RAET1L: variants seen among roughly 807,000 people sequenced by gnomAD.
RAET1L encodes the protein UL16-binding protein 6.
In RAET1L, 16 loss-of-function variants were observed where a neutral mutation model predicts 23.9. That is an observed-to-expected ratio of 0.67 (90% CI 0.45 to 1.02). The LOEUF is 1.02. RAET1L is among the 50% of genes least tolerant of loss of function. The probability of loss-of-function intolerance (pLI) is 0.00; values close to 1 mark genes in which losing one functional copy is unlikely to be tolerated. For synonymous variants in RAET1L, 70 were observed against 111.2 expected (o/e 0.63, Z 2.33); for missense variants, 233 against 304.0 (o/e 0.77, Z 1.74).
At chr6:150,021,542 G>A (rs754308221) in intron 2 of RAET1L, among the ~76,000 whole-genome samples, 4 of 145,732 alleles carry the variant, frequency 2.7e-5, no homozygotes, top group Non-Finnish European at 4.5e-5. Context: ...CTTGTGATCC[G>A]CCTACCTCAG....
chr6:150,021,414 C>A, intron 2 of RAET1L, among the ~76,000 whole-genome samples: 1 of 135,578 alleles, frequency 7.4e-6, no homozygotes, highest in Non-Finnish European at 1.6e-5. Context: ...TCTCGGCTCA[C>A]TCAGCCTCCT....
chr6:150,021,985 G>T lies in RAET1L; in HGVS notation c.344C>A (p.Pro115His), dbSNP rs759574234. 1.5e-5 allele frequency: 24 copies of T among 1,599,094 alleles called. 2 individuals are homozygous for T. Among genetic ancestry groups the T allele is most frequent in the Non-Finnish European group, 5.1e-6 (6 of 1,171,484 alleles). Residue 115 changes from proline (P) to histidine (H), a missense_variant, in exon 2 of 5, where the codon CCC becomes CAC. Around this residue, in one of 4 missense-constraint regions of RAET1L, gnomAD observed 139 missense variants for 125.3 expected, o/e 1.11. Coordinates refer to ENST00000367341, the MANE Select transcript of RAET1L (RefSeq NM_130900.3). ...CTGGGCCATCTGAAACTTACCCTTG[G>T]GTGTGTAATTCTCCAGCTGAATGTC... ...LLDIQLENYT[P>H]KEPLTLQARM...
chr6:150,019,102 G>C (rs1397625445), intron 4 of RAET1L, among the ~76,000 whole-genome samples: 1 of 152,172 alleles, frequency 6.6e-6, no homozygotes. Context: ...GTCTGAAGCT[G>C]GTAGTGATGG....
intron 2 of RAET1L, 147 bp downstream of exon 2, chr6:150,021,833 C>T (rs780116489): frequency 5.6e-6 from 7 of 1,241,808 alleles, no homozygotes; most frequent in South Asian, 4.3e-5. Context: ...ACCTTGTGAT[C>T]GGCCCACCTC....
rs1001053898 is a variant in RAET1L, at chr6:150,018,373, C to G, written c.*505G>C. 5 of 152,182 alleles carry G rather than the reference C, an allele frequency of 3.3e-5. No individual in the cohort carries two copies. Among genetic ancestry groups the G allele is most frequent in the South Asian group, 2.1e-4 (1 of 4,818 alleles). The allele number at this position is 152,182 out of a possible 1,614,324, so 9.4% of individuals were successfully genotyped here. The stretch of plus-strand genomic sequence containing the variant: ...AACTCTTTATTTAAATATCAGTACA[C>G]AGCAATAAATTACTAAAGGAAACAA... On this transcript the variant is annotated 3_prime_UTR_variant, in exon 5 of 5. Coordinates refer to ENST00000367341, the MANE Select transcript of RAET1L (RefSeq NM_130900.3).
At position 150,021,113 on chromosome 6, in the gene RAET1L, G is replaced by A; in HGVS notation, c.423C>T (p.Phe141=). The change falls in exon 3 of 5, where the codon TTC becomes TTT. Residue 141 remains phenylalanine, a synonymous_variant. Coordinates refer to ENST00000367341, the MANE Select transcript of RAET1L (RefSeq NM_130900.3). ...GTAGGAAGGTCTGTCCATCGATACT[G>A]AACTGCCAAGATCCACTGCTGTGTC... ...AEGHSSGSWQ[F]SIDGQTFLLF... The A allele has an allele frequency of 1.2e-6, 2 of 1,614,092 alleles. No homozygotes were observed. The highest frequency in any genetic ancestry group is 1.7e-6 in the Non-Finnish European group (2 of 1,180,026).
Position 150,020,985 on chromosome 6 carries a change from T to G in RAET1L, c.551A>C (p.Tyr184Ser). Residue 184 changes from tyrosine (Y) to serine (S), a missense_variant, in exon 3 of 5, where the codon TAC (tyrosine) becomes TCC (serine). Tyr to Ser is a moderately radical substitution (Grantham distance 144, BLOSUM62 -2). This residue lies in a region of RAET1L where 139 missense variants were observed against 125.3 expected (regional missense o/e 1.11). Transcript: ENST00000367341. ...TCCTATGCAGTCTCCCATTGAGATG[T>G]AATGGAAGGACATGGCCACATCCTT... is the stretch of plus-strand genomic sequence containing the variant. Reference protein sequence around the residue: ...NDKDVAMSFHYISMGDCIGWL... With the variant: ...NDKDVAMSFHSISMGDCIGWL... 6.2e-7 allele frequency: 1 copy of G among 1,614,250 alleles called. No individual in the cohort carries two copies. Among genetic ancestry groups the G allele is most frequent in the Non-Finnish European group, 8.5e-7 (1 of 1,180,048 alleles).
chr6:150,019,508 A>C lies in RAET1L; in HGVS notation c.*22+600T>G, dbSNP rs1459555796. 5.3e-5 allele frequency among the ~76,000 whole-genome samples: 8 copies of C among 152,138 alleles called. No individual in the cohort carries two copies. The South Asian group carries it at 1.0e-3, about 20-fold the overall frequency. ...GGGCCCAGACTCAAACCCCACGGGT[A>C]CATGGGACTGACTTTTTAAAAATCC... is the stretch of plus-strand genomic sequence containing the variant. On this transcript the variant is annotated intron_variant, in intron 4 of 4. Coordinates refer to ENST00000367341, the MANE Select transcript of RAET1L (RefSeq NM_130900.3).
chr6:150,022,423 A>AAGGAGG (rs542601643), intron 1 of RAET1L, among the ~76,000 whole-genome samples, 180 bp from the exon 2 acceptor site: 1 of 71,868 alleles, frequency 1.4e-5, no homozygotes, highest in Admixed American at 1.3e-4. Context: ...GCATGAGGAC[A>AAGGAGG]AGGAGGAGGA....
chr6:150,025,153 C>T (rs1412163623), intron 1 of RAET1L, among the ~76,000 whole-genome samples: 1 of 152,210 alleles, frequency 6.6e-6, no homozygotes, highest in Non-Finnish European at 1.5e-5. Context: ...CTGGCCCCTC[C>T]ACCCTCCTGC....
chr6:150,025,308 C>T, intron 1 of RAET1L, 79 bp downstream of exon 1: 2 of 1,236,438 alleles, frequency 1.6e-6, no homozygotes, highest in South Asian at 1.3e-5. Flanking sequence ...CAGAAGCCTT[C>T]CCTCCTCTGA....
At chr6:150,024,732 G>T (rs1779927154) in intron 1 of RAET1L, among the ~76,000 whole-genome samples, 1 of 152,092 alleles carries the variant, frequency 6.6e-6, no homozygotes, top group Non-Finnish European at 1.5e-5. Flanking sequence ...ACGTGGTGTA[G>T]GAGGTGGTGA....
At position 150,020,754 on chromosome 6, in the gene RAET1L, T is replaced by C. The variant is rs1022425874; in HGVS notation, c.631+151A>G. 118 of 1,308,822 alleles carry C rather than the reference T, an allele frequency of 9.0e-5. 2 individuals carry two copies. The South Asian group carries it at 1.3e-3, about 15-fold the overall frequency. The allele number at this position is 1,308,822 out of a possible 1,614,324, so 81.1% of individuals were successfully genotyped here. On this transcript the variant is annotated intron_variant, in intron 3 of 4. Coordinates refer to ENST00000367341, the MANE Select transcript of RAET1L (RefSeq NM_130900.3). ...AGAGGAGGGTGGGAGGGCACAGGCA[T>C]GCCAGTAACCCCAGGAGGAGGGCCC...
chr6:150,019,513 G>A (rs543691737), intron 4 of RAET1L, among the ~76,000 whole-genome samples: 24 of 151,848 alleles, frequency 1.6e-4, no homozygotes, highest in African/African-American at 5.8e-4. Context: ...CGGGTACATG[G>A]GACTGACTTT....
At chr6:150,025,312 C>T in intron 1 of RAET1L, 75 bp downstream of exon 1, 1 of 1,295,140 alleles carries the variant, frequency 7.7e-7, no homozygotes, top group Non-Finnish European at 1.1e-6. Context: ...AGCCTTCCCT[C>T]CTCTGAAACC....
chr6:150,019,150 T>C (rs1779856815), intron 4 of RAET1L, among the ~76,000 whole-genome samples: 1 of 152,230 alleles, frequency 6.6e-6, no homozygotes, highest in South Asian at 2.1e-4. Flanking sequence ...TATCATCTGA[T>C]GACAGGGTCT....
intron 2 of RAET1L, among the ~76,000 whole-genome samples, chr6:150,021,529 G>A (rs1361732716): frequency 6.9e-6 from 1 of 145,108 alleles, no homozygotes; most frequent in Middle Eastern, 3.5e-3. Context: ...TCGATCTCTT[G>A]ACCTTGTGAT....
chr6:150,020,496 G>A (rs1415675498), intron 3 of RAET1L, among the ~76,000 whole-genome samples: 1 of 152,172 alleles, frequency 6.6e-6, no homozygotes. Flanking sequence ...GGAAGAGGAG[G>A]TGATGCCCCA....
At chr6:150,019,470 G>A (rs377186148) in intron 4 of RAET1L, among the ~76,000 whole-genome samples, 1 of 152,162 alleles carries the variant, frequency 6.6e-6, no homozygotes, top group Admixed American at 6.5e-5. Flanking sequence ...GTGATGGCAG[G>A]GGAGCTGCCT....
Sources: gnomAD v4.1 joint callset for allele counts (sites outside exome capture counted in the v4.1 genomes callset) on GRCh38, gnomAD v4.1.1 for gene constraint, gnomAD v4.1.1 regional missense constraint, MANE v1.5 for transcripts, NCBI Gene and HGNC (gene_info 2026-07-23, HGNC 2026-07-21) for gene names.